Variants in TGFB3 observed in about 807,000 individuals in gnomAD.
TGFB3 encodes the protein transforming growth factor beta 3.
A neutral mutation model predicts 40.1 loss-of-function variants in TGFB3; 5 were observed. That is an observed-to-expected ratio of 0.12 (90% CI 0.07 to 0.26). TGFB3 has a LOEUF of 0.26. Among genes scored for constraint, TGFB3 ranks in the 10% least tolerant of loss-of-function variants. The probability of loss-of-function intolerance (pLI) is 1.00; values close to 1 mark genes in which losing one functional copy is unlikely to be tolerated. For missense variants in TGFB3, 373 were observed against 530.1 expected (o/e 0.70, Z 2.91); for synonymous variants, 184 against 205.6 (o/e 0.89, Z 0.90).
intron 1 of TGFB3, among the ~76,000 whole-genome samples, chr14:75,972,740 C>A (rs1355325291): frequency 6.6e-6 from 1 of 152,188 alleles, no homozygotes; most frequent in Admixed American, 6.5e-5. Flanking sequence ...ACCTGTCAGA[C>A]TAAAAGGTTA....
intron 3 of TGFB3, among the ~76,000 whole-genome samples, chr14:75,969,706 G>A (rs770169461): frequency 1.3e-5 from 2 of 152,158 alleles, no homozygotes; most frequent in East Asian, 1.9e-4. Flanking sequence ...ATGACGACCC[G>A]GCCTTTTAAA....
At chr14:75,963,001 A>C in intron 5 of TGFB3, 1 of 471,144 alleles carries the variant, frequency 2.1e-6, no homozygotes, top group Non-Finnish European at 3.9e-6. Context: ...AAAACATGGA[A>C]ATCATGGAGA....
chr14:75,981,224 G>A lies in TGFB3; in HGVS notation c.-331C>T, dbSNP rs1328268030. 4.8e-6 allele frequency: 2 copies of A among 412,526 alleles called. No homozygotes were observed. The highest frequency in any genetic ancestry group is 5.1e-5 in the East Asian group (1 of 19,448). 25.6% of individuals were successfully genotyped at this position (412,526 alleles called of 1,614,324 possible). On this transcript the variant is annotated 5_prime_UTR_variant, in exon 1 of 7. Transcript: ENST00000238682. This position sits in a 1 kb window ranked among gnomAD's most constrained non-coding sequence, Gnocchi z 4.7. Reference sequence around the variant, plus strand: ...GGGAGGGGTGGCAAGGCAGCTGGGAGTGGGAAGGGAGCTGGAGTTTTTCCT... The same window carrying A: ...GGGAGGGGTGGCAAGGCAGCTGGGAATGGGAAGGGAGCTGGAGTTTTTCCT...
At chr14:75,974,834 C>T (rs567623679) in intron 1 of TGFB3, among the ~76,000 whole-genome samples, 1 of 151,400 alleles carries the variant, frequency 6.6e-6, no homozygotes, top group Non-Finnish European at 1.5e-5. Context: ...CGCCTGTAAT[C>T]CCAGCCAGCA....
At position 75,980,753 on chromosome 14, in the gene TGFB3, G is replaced by A. The variant is rs766051522; in HGVS notation, c.141C>T (p.Ile47=). ...GGCTGGTGAGCCTGAGCTTGCTCAA[G>A]ATCTGTCCCCTAATGGCTTCCACCC... ...KKRVEAIRGQ[I]LSKLRLTSPP... is the part of the protein sequence containing the mutation. The change falls in exon 1 of 7, where the codon ATC becomes ATT. Residue 47 remains isoleucine (I), a synonymous_variant. Coordinates refer to ENST00000238682, the MANE Select transcript of TGFB3 (RefSeq NM_003239.5). The surrounding 1 kb of genome is among the most constrained non-coding windows in gnomAD (Gnocchi z 4.3). The A allele has an allele frequency of 1.2e-6, 2 of 1,614,206 alleles. No individual in the cohort carries two copies. Among genetic ancestry groups the A allele is most frequent in the South Asian group, 1.1e-5 (1 of 91,086 alleles).
rs2035298046 is a variant in TGFB3, at chr14:75,971,828, G to A, written c.353-110C>T. 3 of 1,233,314 alleles carry A rather than the reference G, an allele frequency of 2.4e-6. No individual in the cohort carries two copies. In the Admixed American group the frequency reaches 5.7e-5, roughly 23 times the overall value. The allele number at this position is 1,233,314 out of a possible 1,614,324, so 76.4% of individuals were successfully genotyped here. A position where few individuals can be genotyped will look rare whatever the true frequency, so the allele number is the denominator to read the frequency against. ...CACCGTCCCGCCTGCCACCTCCCTAGAGGCTTGAGGCCTCAGACCGCAAGG... is the reference window on the plus strand; with the variant it reads ...CACCGTCCCGCCTGCCACCTCCCTAAAGGCTTGAGGCCTCAGACCGCAAGG... On this transcript the variant is annotated intron_variant, in intron 1 of 6. Coordinates refer to ENST00000238682, the MANE Select transcript of TGFB3 (RefSeq NM_003239.5). This position sits in a 1 kb window ranked among gnomAD's most constrained non-coding sequence, Gnocchi z 4.5.
intron 3 of TGFB3, among the ~76,000 whole-genome samples, chr14:75,969,015 C>T (rs753754690): frequency 7.9e-4 from 120 of 152,030 alleles, no homozygotes; most frequent in Non-Finnish European, 1.5e-3. Flanking sequence ...AAGGGGTGGC[C>T]GGTACTCATC....
In TGFB3 at chr14:75,963,464, C is replaced by G. The variant is rs1221859306; in HGVS notation, c.778G>C (p.Gly260Arg). The change falls in exon 5 of 7, where the codon GGC becomes CGC. Residue 260 changes from glycine (G) to arginine (R), a missense_variant. By Grantham distance (125) the Gly-to-Arg change is moderately radical (BLOSUM62 -2). Coordinates refer to ENST00000238682, the MANE Select transcript of TGFB3 (RefSeq NM_003239.5). ...FKGVDNEDDH[G>R]RGDLGRLKKQ... ...TTGAGGCGCCCCAGATCTCCACGGC[C>G]ATGGTCATCCTCATTGTCCACGCCT... 1 of 1,614,182 alleles carries G rather than the reference C, an allele frequency of 6.2e-7. No homozygotes were observed. Among genetic ancestry groups the G allele is most frequent in the Non-Finnish European group, 8.5e-7 (1 of 1,180,036 alleles).
chr14:75,973,202 G>C (rs1436709814), intron 1 of TGFB3, among the ~76,000 whole-genome samples: 1 of 152,190 alleles, frequency 6.6e-6, no homozygotes. Context: ...AATGGACATG[G>C]CTGGAATGAG....
chr14:75,980,957 C>A lies in TGFB3; in HGVS notation c.-64G>T. 1.6e-5 allele frequency: 24 copies of A among 1,494,068 alleles called. 2 individuals are homozygous for A. In the South Asian group the frequency reaches 2.6e-4, roughly 16 times the overall value. 92.6% of individuals were successfully genotyped at this position (1,494,068 alleles called of 1,614,324 possible). A position where few individuals can be genotyped will look rare whatever the true frequency, so the allele number is the denominator to read the frequency against. On this transcript the variant is annotated 5_prime_UTR_variant, in exon 1 of 7. Transcript: ENST00000238682. The surrounding 1 kb of genome is among the most constrained non-coding windows in gnomAD (Gnocchi z 4.3). ...CTGGAGAGGAAGAGACCCCAGCAGA[C>A]GTGCAGAAGGAGGGAGGAAAACCAG...
chr14:75,967,758 C>T (rs2035237150), intron 3 of TGFB3, among the ~76,000 whole-genome samples: 1 of 152,166 alleles, frequency 6.6e-6, no homozygotes, highest in East Asian at 1.9e-4. Flanking sequence ...GATAAGAACA[C>T]TGAGGCTTAG....
intron 3 of TGFB3, 198 bp downstream of exon 3, chr14:75,970,928 C>T (rs755066526): frequency 3.5e-4 from 240 of 681,554 alleles, no homozygotes; most frequent in Non-Finnish European, 5.3e-4. Context: ...ATCCCTGTGG[C>T]TGCATCCCCA....
At chr14:75,970,859 C>T in intron 3 of TGFB3, 2 of 436,880 alleles carry the variant, frequency 4.6e-6, no homozygotes, top group Admixed American at 3.4e-5. Flanking sequence ...AGAGACCTTC[C>T]CTGTTGGACT....
intron 3 of TGFB3, among the ~76,000 whole-genome samples, chr14:75,967,416 C>G (rs377465802): frequency 4.8e-4 from 73 of 152,162 alleles, no homozygotes; most frequent in African/African-American, 1.6e-3. Context: ...GAGGATTGCC[C>G]TCTCCCTGGG....
intron 3 of TGFB3, among the ~76,000 whole-genome samples, chr14:75,967,550 T>C (rs1234086241): frequency 1.3e-5 from 2 of 152,152 alleles, no homozygotes; most frequent in African/African-American, 2.4e-5. Context: ...GTTCCATGAT[T>C]CTGTGAGTTA....
chr14:75,959,449 T>C, intron 6 of TGFB3, 104 bp from the exon 7 acceptor site: 1 of 1,398,430 alleles, frequency 7.2e-7, no homozygotes, highest in Non-Finnish European at 1.0e-6. Context: ...GAGCAAGTGC[T>C]AGAATGGCCA....
At position 75,978,069 on chromosome 14, in the gene TGFB3, A is replaced by G; in HGVS notation, c.352+2473T>C. 6.6e-6 allele frequency among the ~76,000 whole-genome samples: 1 copy of G among 151,856 alleles called. No homozygotes were observed. Among genetic ancestry groups the G allele is most frequent in the Non-Finnish European group, 1.5e-5 (1 of 67,986 alleles). ...ACTACTAAAAAGTATTTCCTCTTTC[A>G]TTTTCCTCTCCAGGGACCTCTATCT... is the stretch of plus-strand genomic sequence containing the variant. On this transcript the variant is annotated intron_variant, in intron 1 of 6. Transcript: ENST00000238682. This position sits in a 1 kb window ranked among gnomAD's most constrained non-coding sequence, Gnocchi z 5.0.
chr14:75,970,546 G>T (rs967782869), intron 3 of TGFB3: 1 of 147,604 alleles, frequency 6.8e-6, no homozygotes, highest in South Asian at 2.2e-4. Context: ...GCAACAGAGC[G>T]AGACTCAGTC....
intron 3 of TGFB3, among the ~76,000 whole-genome samples, chr14:75,969,934 T>C (rs552653611): frequency 4.6e-5 from 7 of 152,306 alleles, no homozygotes; most frequent in African/African-American, 1.7e-4. Flanking sequence ...GGCCTAGATA[T>C]TGCTCTCATC....
Sources: gnomAD v4.1 joint callset for allele counts (sites outside exome capture counted in the v4.1 genomes callset) on GRCh38, gnomAD v4.1.1 for gene constraint, Gnocchi (gnomAD v3.1) non-coding constraint, MANE v1.5 for transcripts, NCBI Gene and HGNC (gene_info 2026-07-23, HGNC 2026-07-21) for gene names.